Variants in ARL3 observed in about 807,000 individuals in gnomAD.
ARL3 encodes the protein ADP-ribosylation factor-like protein 3.
A neutral mutation model predicts 26.0 loss-of-function variants in ARL3; 9 were observed. That is an observed-to-expected ratio of 0.35 (90% CI 0.21 to 0.60). ARL3 has a LOEUF of 0.60. Ranked by LOEUF, ARL3 falls within the 20% of genes least tolerant of loss-of-function variation. ARL3 has a pLI of 0.78. For synonymous variants in ARL3, 71 were observed against 78.4 expected (o/e 0.91, Z 0.50); for missense variants, 158 against 215.7 (o/e 0.73, Z 1.67).
At chr10:102,692,837 T>C (rs547375359) in intron 3 of ARL3, among the ~76,000 whole-genome samples, 27 of 152,306 alleles carry the variant, frequency 1.8e-4, no homozygotes, top group African/African-American at 6.5e-4. Flanking sequence ...GCCTCCCTAG[T>C]AGGCTGGGAC....
chr10:102,677,242 G>A (rs2064135106), intron 5 of ARL3, among the ~76,000 whole-genome samples: 2 of 152,218 alleles, frequency 1.3e-5, no homozygotes, highest in South Asian at 4.1e-4. Context: ...TGCATCCAAA[G>A]CCTGACTGAA....
rs1425588233 is a variant in ARL3 at position 102,675,692 on chromosome 10, T to C, written c.*1202A>G. ...AATCAACAGAGGACGGACATTCTGC[T>C]GCAGAGAGGCAGAGGAGCCCAGCAG... On this transcript the variant is annotated 3_prime_UTR_variant, in exon 6 of 6. Coordinates refer to ENST00000260746, the MANE Select transcript of ARL3 (RefSeq NM_004311.4). The C allele has an allele frequency of 6.6e-6, 1 of 152,248 alleles. No homozygotes were observed. The highest frequency in any genetic ancestry group is 1.5e-5 in the Non-Finnish European group (1 of 68,052). The allele number at this position is 152,248 out of a possible 1,614,324, so 9.4% of individuals were successfully genotyped here.
chr10:102,674,621 G>T lies in ARL3; in HGVS notation c.*2273C>A. On this transcript the variant is annotated 3_prime_UTR_variant, in exon 6 of 6. Coordinates refer to ENST00000260746, the MANE Select transcript of ARL3 (RefSeq NM_004311.4). ...AGCTTCAAATTCTGTCTTCTGGTCA[G>T]GGGGCAGGAGTGGGCAGGGAAGAGG... 1 of 152,474 alleles carries T rather than the reference G, an allele frequency of 6.6e-6. No homozygotes were observed. The allele number at this position is 152,474 out of a possible 1,614,324, so 9.4% of individuals were successfully genotyped here.
At chr10:102,676,989 C>T (rs765293692) in intron 5 of ARL3, 48 bp from the exon 6 acceptor site, 3 of 1,596,428 alleles carry the variant, frequency 1.9e-6, no homozygotes, top group Non-Finnish European at 1.7e-6. Context: ...ATAAGAAAAG[C>T]ACCACACACT....
In ARL3 at chr10:102,680,457, T is replaced by C. The variant is rs77323043; in HGVS notation, c.502-3516A>G. Among the ~76,000 whole-genome samples, 253 of 152,292 alleles carry C rather than the reference T, an allele frequency of 1.7e-3. 3 individuals are homozygous for C. In the East Asian group the frequency reaches 0.04, roughly 24 times the overall value. On this transcript the variant is annotated intron_variant, in intron 5 of 5. Transcript: ENST00000260746. ...TGGAATTTCAAATACTGAGCTTTGT[T>C]TGGCCTCCTAGAGAGGAAATAAAGT... is the stretch of plus-strand genomic sequence containing the variant.
At chr10:102,679,543 C>T (rs894883022) in intron 5 of ARL3, among the ~76,000 whole-genome samples, 2 of 152,170 alleles carry the variant, frequency 1.3e-5, no homozygotes, top group African/African-American at 2.4e-5. Flanking sequence ...CAGTTCTCCA[C>T]GGATGTGGGT....
chr10:102,690,226 C>A (rs1371899627), intron 3 of ARL3, among the ~76,000 whole-genome samples: 2 of 151,786 alleles, frequency 1.3e-5, no homozygotes, highest in Non-Finnish European at 2.9e-5. Flanking sequence ...TTGATGTTGT[C>A]ACTAAACATT....
At position 102,678,518 on chromosome 10, in the gene ARL3, C is replaced by T. The variant is rs369653606; in HGVS notation, c.502-1577G>A. On this transcript the variant is annotated intron_variant, in intron 5 of 5. Coordinates refer to ENST00000260746, the MANE Select transcript of ARL3 (RefSeq NM_004311.4). Reference sequence around the variant, plus strand: ...TCGCCTGGGAAGCTGAATAGCTCAGCACTTACATAGCACTTTCCACCTTCA... The same window carrying T: ...TCGCCTGGGAAGCTGAATAGCTCAGTACTTACATAGCACTTTCCACCTTCA... Among the ~76,000 whole-genome samples, 15 of 152,288 alleles carry T rather than the reference C, an allele frequency of 9.8e-5. No individual in the cohort carries two copies. In the East Asian group the frequency reaches 2.9e-3, roughly 29 times the overall value.
At chr10:102,700,423 T>TAAAAAAAAA (rs1564732492) in intron 2 of ARL3, among the ~76,000 whole-genome samples, 1 of 42,364 alleles carries the variant, frequency 2.4e-5, no homozygotes, top group African/African-American at 8.8e-5. Context: ...AAAAAAAAAG[T>TAAAAAAAAA]GCTTTCATAG....
chr10:102,705,746 A>C (rs2136008936), intron 1 of ARL3, among the ~76,000 whole-genome samples: 1 of 152,300 alleles, frequency 6.6e-6, no homozygotes. Context: ...AGTCACCCCA[A>C]ATCTCCTGGG....
intron 3 of ARL3, among the ~76,000 whole-genome samples, chr10:102,690,475 G>T (rs1444116438): frequency 1.3e-5 from 2 of 151,682 alleles, no homozygotes; most frequent in African/African-American, 4.8e-5. Flanking sequence ...TAGTAGAGAC[G>T]GCGTTTCACC....
chr10:102,682,818 ATT>A (rs1003983723), intron 5 of ARL3, among the ~76,000 whole-genome samples: 2 of 151,282 alleles, frequency 1.3e-5, no homozygotes, highest in African/African-American at 2.4e-5. Context: ...ACCTTTGTAC[ATT>A]TTCTTTCAGA....
chr10:102,707,119 AC>A, intron 1 of ARL3, among the ~76,000 whole-genome samples: 1 of 152,148 alleles, frequency 6.6e-6, no homozygotes, highest in South Asian at 2.1e-4. Context: ...ACATAGTGAG[AC>A]CCTGTCCCTA....
At chr10:102,690,134 C>T (rs1245158142) in intron 3 of ARL3, among the ~76,000 whole-genome samples, 191 bp from the exon 4 acceptor site, 1 of 151,880 alleles carries the variant, frequency 6.6e-6, no homozygotes, top group African/African-American at 2.4e-5. Context: ...ATAGGGATGC[C>T]CAGAAAATAC....
chr10:102,704,311 C>T (rs2064296904), intron 2 of ARL3, among the ~76,000 whole-genome samples: 1 of 151,978 alleles, frequency 6.6e-6, no homozygotes, highest in Non-Finnish European at 1.5e-5. Flanking sequence ...TCTACATGCA[C>T]TACTTTCATA....
intron 3 of ARL3, among the ~76,000 whole-genome samples, chr10:102,696,609 C>T (rs1393823147): frequency 6.6e-6 from 1 of 152,170 alleles, no homozygotes; most frequent in Non-Finnish European, 1.5e-5. Flanking sequence ...CGGAGCTTAC[C>T]TTACAGTGCA....
intron 4 of ARL3, 122 bp from the exon 5 acceptor site, chr10:102,686,123 G>T (rs1453831815): frequency 6.3e-6 from 5 of 788,494 alleles, no homozygotes; most frequent in Non-Finnish European, 9.8e-6. Flanking sequence ...CCAGGCTGGA[G>T]TGCAATGGCG....
At chr10:102,711,410 T>TA (rs1444382656) in intron 1 of ARL3, among the ~76,000 whole-genome samples, 1 of 150,838 alleles carries the variant, frequency 6.6e-6, no homozygotes, top group Non-Finnish European at 1.5e-5. Context: ...GTGTGTGTTT[T>TA]TATATATATA....
At chr10:102,706,169 T>A (rs941015630) in intron 1 of ARL3, among the ~76,000 whole-genome samples, 1 of 152,140 alleles carries the variant, frequency 6.6e-6, no homozygotes, top group African/African-American at 2.4e-5. Context: ...AAAGATTTTA[T>A]CGCCGGGCAC....
Sources: allele counts gnomAD v4.1 joint callset (sites outside exome capture counted in the v4.1 genomes callset), GRCh38; gene constraint gnomAD v4.1.1; transcripts MANE v1.5; gene names NCBI Gene and HGNC (gene_info 2026-07-23, HGNC 2026-07-21).